Variants in LRRTM4 observed in about 807,000 individuals in gnomAD.
LRRTM4 encodes the protein leucine-rich repeat transmembrane neuronal protein 4.
Under a neutral mutation model 47.6 loss-of-function variants are expected in LRRTM4, and 25 were observed. That is an observed-to-expected ratio of 0.53 (90% confidence interval 0.38 to 0.73). The LOEUF (loss-of-function observed/expected upper bound fraction) is 0.73, where lower values mean the gene tolerates loss of function less well. Ranked by LOEUF, LRRTM4 falls within the 30% of genes least tolerant of loss-of-function variation. LRRTM4 has a pLI of 0.00. For synonymous variants in LRRTM4, 311 were observed against 269.5 expected (o/e 1.15, Z -1.51); for missense variants, 638 against 713.4 (o/e 0.89, Z 1.20).
At position 77,309,328 on chromosome 2, in the gene LRRTM4, A is replaced by G. The variant is rs150664127; in HGVS notation, c.1551+208990T>C. 4.0e-3 allele frequency among the ~76,000 whole-genome samples: 605 copies of G among 152,332 alleles called. 2 individuals are homozygous for G. The highest frequency in any genetic ancestry group is 6.3e-3 in the Non-Finnish European group (427 of 68,024). ...CTCAGGAAACGTGAAAATATGAGAA[A>G]TAAACTTCGTTGACCTTCTAAGCTA... On this transcript the variant is annotated intron_variant, in intron 3 of 3. Coordinates refer to ENST00000409884, the MANE Select transcript of LRRTM4 (RefSeq NM_001134745.3).
At chr2:77,318,039 C>T (rs1030420896) in intron 3 of LRRTM4, among the ~76,000 whole-genome samples, 1 of 135,678 alleles carries the variant, frequency 7.4e-6, no homozygotes, top group Admixed American at 7.8e-5. Context: ...CGGAGTCTCG[C>T]TCTGTCGCCC....
intron 3 of LRRTM4, among the ~76,000 whole-genome samples, chr2:77,509,904 A>T (rs1451768153): frequency 1.3e-5 from 2 of 152,178 alleles, no homozygotes; most frequent in Admixed American, 1.3e-4. Flanking sequence ...CCACTGGACC[A>T]AGGCAGTATT....
rs537277383 is a variant in LRRTM4, at chr2:77,134,718, T to TA, written c.1551+383599_1551+383600insT. Among the ~76,000 whole-genome samples, 194 of 152,318 alleles carry TA rather than the reference T, an allele frequency of 1.3e-3. 1 individual carries two copies. Among genetic ancestry groups the TA allele is most frequent in the African/African-American group, 4.3e-3 (178 of 41,578 alleles). Reference sequence around the variant, plus strand: ...TATCATGACTAAAAATACCATATCCTGAAATCTTACTGGAACAGAACCTGG... The same window carrying TA: ...TATCATGACTAAAAATACCATATCCTAGAAATCTTACTGGAACAGAACCTGG... On this transcript the variant is annotated intron_variant, in intron 3 of 3. Transcript: ENST00000409884.
chr2:77,156,202 G>T (rs896155796), intron 3 of LRRTM4, among the ~76,000 whole-genome samples: 1 of 151,666 alleles, frequency 6.6e-6, no homozygotes, highest in Non-Finnish European at 1.5e-5. Context: ...AACTCTAAGA[G>T]AGAGTATATT....
chr2:77,338,655 T>C (rs1429889466), intron 3 of LRRTM4, among the ~76,000 whole-genome samples: 1 of 152,112 alleles, frequency 6.6e-6, no homozygotes, highest in Non-Finnish European at 1.5e-5. Flanking sequence ...TTGATGGGAA[T>C]GTAAATTAAT....
At chr2:76,883,123 T>C (rs556905279) in intron 3 of LRRTM4, among the ~76,000 whole-genome samples, 2 of 152,234 alleles carry the variant, frequency 1.3e-5, no homozygotes, top group East Asian at 3.9e-4. Context: ...TGTATCCAGG[T>C]CTGTGCTTCA....
At chr2:77,019,548 T>C (rs1046151712) in intron 3 of LRRTM4, among the ~76,000 whole-genome samples, 1 of 152,036 alleles carries the variant, frequency 6.6e-6, no homozygotes, top group Non-Finnish European at 1.5e-5. Flanking sequence ...AATGAGGAAA[T>C]AAATTTAAAT....
intron 3 of LRRTM4, among the ~76,000 whole-genome samples, chr2:77,159,685 A>C (rs1672657408): frequency 6.6e-6 from 1 of 152,022 alleles, no homozygotes; most frequent in Admixed American, 6.6e-5. Context: ...TTGCAGTCTC[A>C]GGGTGGGCAG....
At position 77,167,867 on chromosome 2, in the gene LRRTM4, GT is replaced by G. The variant is rs1181111969; in HGVS notation, c.1551+350450del. Among the ~76,000 whole-genome samples, 3 of 152,194 alleles carry G rather than the reference GT, an allele frequency of 2.0e-5. No individual in the cohort carries two copies. The East Asian group carries it at 5.8e-4, about 29-fold the overall frequency. On this transcript the variant is annotated intron_variant, in intron 3 of 3. Coordinates refer to ENST00000409884, the MANE Select transcript of LRRTM4 (RefSeq NM_001134745.3). ...CCTAATGTAAATGACAAGTTAATGG[GT>G]GCACCAGACCAACATAGCACATGTA...
intron 3 of LRRTM4, among the ~76,000 whole-genome samples, chr2:76,820,784 A>G (rs1671030600): frequency 6.6e-6 from 1 of 151,742 alleles, no homozygotes; most frequent in Admixed American, 6.6e-5. Flanking sequence ...TTTATATTTT[A>G]ATACTATAAA....
chr2:77,117,449 TA>T (rs141912656), intron 3 of LRRTM4, among the ~76,000 whole-genome samples: 3,411 of 151,984 alleles, frequency 0.022, 64 homozygotes, highest in Admixed American at 0.056. Context: ...TTATTATATC[TA>T]ATATCCAGTG....
chr2:76,969,376 T>C (rs1173118565), intron 3 of LRRTM4, among the ~76,000 whole-genome samples: 4 of 151,920 alleles, frequency 2.6e-5, no homozygotes, highest in African/African-American at 9.7e-5. Context: ...ATTCAAGAAG[T>C]ATGAACGGTG....
intron 3 of LRRTM4, among the ~76,000 whole-genome samples, chr2:76,788,425 C>G (rs1674793932): frequency 6.6e-6 from 1 of 152,122 alleles, no homozygotes; most frequent in African/African-American, 2.4e-5. Flanking sequence ...TTTACTCAAT[C>G]AGAACAAAAA....
At chr2:76,940,021 A>G (rs1558750957) in intron 3 of LRRTM4, among the ~76,000 whole-genome samples, 1 of 152,164 alleles carries the variant, frequency 6.6e-6, no homozygotes, top group Non-Finnish European at 1.5e-5. Flanking sequence ...AGAAAAAGAA[A>G]TGCTTACACA....
chr2:77,490,172 C>G (rs1325689522), intron 3 of LRRTM4, among the ~76,000 whole-genome samples: 2 of 151,990 alleles, frequency 1.3e-5, no homozygotes, highest in African/African-American at 4.8e-5. Flanking sequence ...ATTGCTTGAA[C>G]TCAGGATGCG....
intron 3 of LRRTM4, among the ~76,000 whole-genome samples, chr2:77,017,542 G>T (rs1212478890): frequency 3.3e-5 from 5 of 152,136 alleles, no homozygotes; most frequent in Non-Finnish European, 7.3e-5. Context: ...CTAAATGAAA[G>T]TAGTGGCCAC....
In LRRTM4 at chr2:77,090,045, T is replaced by C. The variant is rs991118595; in HGVS notation, c.1552-341129A>G. ...TCTACAGACCCACCTGACCTCTCCC[T>C]TGCTCCCCAGGCTGCTCCTCGCCAG... On this transcript the variant is annotated intron_variant, in intron 3 of 3. Transcript: ENST00000409884. Among the ~76,000 whole-genome samples the C allele has an allele frequency of 7.2e-5, 11 of 151,994 alleles. 1 individual carries two copies. The highest frequency in any genetic ancestry group is 1.3e-4 in the Admixed American group (2 of 15,254).
In LRRTM4 at chr2:77,479,701, G is replaced by T. The variant is rs76348527; in HGVS notation, c.1551+38617C>A. The stretch of plus-strand genomic sequence containing the variant: ...CCTTCTCTCTCTCTCTCTTTTTCTC[G>T]TCTCCATCTCTCTCTTTCTCTTCTC... On this transcript the variant is annotated intron_variant, in intron 3 of 3. Coordinates refer to ENST00000409884, the MANE Select transcript of LRRTM4 (RefSeq NM_001134745.3). Among the ~76,000 whole-genome samples, 528 of 151,352 alleles carry T rather than the reference G, an allele frequency of 3.5e-3. 3 individuals are homozygous for T. The highest frequency in any genetic ancestry group is 0.012 in the African/African-American group (499 of 41,208).
chr2:76,823,043 T>C (rs1671096554), intron 3 of LRRTM4, among the ~76,000 whole-genome samples: 1 of 151,326 alleles, frequency 6.6e-6, no homozygotes, highest in Non-Finnish European at 1.5e-5. Context: ...ACACTACAGG[T>C]AAAACTAGTA....
Sources: gnomAD v4.1 joint callset for allele counts (sites outside exome capture counted in the v4.1 genomes callset) on GRCh38, gnomAD v4.1.1 for gene constraint, MANE v1.5 for transcripts, NCBI Gene and HGNC (gene_info 2026-07-23, HGNC 2026-07-21) for gene names.